Variants in ADAMTS6 observed in about 807,000 individuals in gnomAD.
The protein encoded by ADAMTS6 is ADAM metallopeptidase with thrombospondin type 1 motif 6.
In ADAMTS6, 23 loss-of-function variants were observed where a neutral mutation model predicts 144.3. That is an observed-to-expected ratio of 0.16 (90% CI 0.11 to 0.23). The LOEUF is 0.23. ADAMTS6 is among the 10% of genes least tolerant of loss of function. The pLI is 1.00. For synonymous variants in ADAMTS6, 444 were observed against 457.5 expected, an observed-to-expected ratio of 0.97 and a Z score of 0.38; for missense variants, 999 against 1,379.6, an observed-to-expected ratio of 0.72 and a Z score of 4.37.
At chr5:65,207,560 G>C (rs764299459) in intron 20 of ADAMTS6, among the ~76,000 whole-genome samples, 1 of 152,106 alleles carries the variant, frequency 6.6e-6, no homozygotes, top group Non-Finnish European at 1.5e-5. Context: ...GGAGGGGATG[G>C]GAGTGAAATG....
chr5:65,242,781 T>TCA (rs1759305842), intron 14 of ADAMTS6, among the ~76,000 whole-genome samples: 1 of 152,150 alleles, frequency 6.6e-6, no homozygotes, highest in Non-Finnish European at 1.5e-5. Context: ...GATTTGGACT[T>TCA]ATTATGATTT....
chr5:65,155,293 T>G (rs1691799040), intron 24 of ADAMTS6, among the ~76,000 whole-genome samples: 1 of 152,156 alleles, frequency 6.6e-6, no homozygotes, highest in African/African-American at 2.4e-5. Flanking sequence ...ATGGGGATAT[T>G]CTCTGAGAAA....
Position 65,151,221 on chromosome 5 carries a change from C to T in ADAMTS6, c.*615G>A, listed in dbSNP as rs1752125350. ...ATATGGCTCACAGCAGTGTTCAGAA[C>T]CAGGGGATTATTCCTAAGGAAATTA... On this transcript the variant is annotated 3_prime_UTR_variant, in exon 25 of 25. Transcript: ENST00000381055. 1 of 152,448 alleles carries T rather than the reference C, an allele frequency of 6.6e-6. No homozygotes were observed. 9.4% of individuals were successfully genotyped at this position (152,448 alleles called of 1,614,324 possible).
At chr5:65,223,272 G>A (rs1188480112) in intron 18 of ADAMTS6, among the ~76,000 whole-genome samples, 3 of 152,088 alleles carry the variant, frequency 2.0e-5, no homozygotes, top group Non-Finnish European at 4.4e-5. Context: ...CATAAACATT[G>A]TGAAATGAAT....
chr5:65,441,751 A>C (rs918212442), intron 7 of ADAMTS6, among the ~76,000 whole-genome samples: 3 of 152,020 alleles, frequency 2.0e-5, no homozygotes, highest in African/African-American at 7.2e-5. Context: ...GTGGAACTAA[A>C]TTAGAAATTA....
intron 7 of ADAMTS6, among the ~76,000 whole-genome samples, chr5:65,400,177 T>C (rs530733348): frequency 6.6e-6 from 1 of 152,236 alleles, no homozygotes; most frequent in South Asian, 2.1e-4. Flanking sequence ...TCTTTCAGAA[T>C]TTTTTCTTCT....
chr5:65,429,445 C>T (rs1031188746), intron 7 of ADAMTS6, among the ~76,000 whole-genome samples: 5 of 152,064 alleles, frequency 3.3e-5, no homozygotes, highest in South Asian at 4.2e-4. Flanking sequence ...TATGCATTGC[C>T]TGTCTGTATC....
At chr5:65,277,090 C>T (rs968462478) in intron 11 of ADAMTS6, among the ~76,000 whole-genome samples, 1 of 152,060 alleles carries the variant, frequency 6.6e-6, no homozygotes, top group Non-Finnish European at 1.5e-5. Context: ...AGAAGTTATC[C>T]ACAGTCCCCA....
At chr5:65,471,468 A>G (rs1474321697) in intron 2 of ADAMTS6, among the ~76,000 whole-genome samples, 1 of 152,172 alleles carries the variant, frequency 6.6e-6, no homozygotes, top group East Asian at 1.9e-4. Context: ...AGAAGCACAC[A>G]TATGTAAAAG....
chr5:65,453,642 A>C (rs1027888404), intron 4 of ADAMTS6, among the ~76,000 whole-genome samples: 2 of 152,308 alleles, frequency 1.3e-5, no homozygotes, highest in South Asian at 2.1e-4. Flanking sequence ...TTGGTTCTTC[A>C]GTATAGAAGC....
At chr5:65,249,737 TA>T (rs1759986632) in intron 14 of ADAMTS6, among the ~76,000 whole-genome samples, 1 of 152,212 alleles carries the variant, frequency 6.6e-6, no homozygotes, top group Non-Finnish European at 1.5e-5. Flanking sequence ...AGTATGTTTA[TA>T]AGAATAAAGT....
chr5:65,464,101 A>G (rs1374940581), intron 3 of ADAMTS6, among the ~76,000 whole-genome samples: 2 of 152,230 alleles, frequency 1.3e-5, no homozygotes. Context: ...TCTCTGCAAC[A>G]TCATTCCTGA....
At chr5:65,303,281 T>G (rs2112811696) in intron 9 of ADAMTS6, among the ~76,000 whole-genome samples, 1 of 152,264 alleles carries the variant, frequency 6.6e-6, no homozygotes, top group South Asian at 2.1e-4. Context: ...AATAAACTCC[T>G]TTTATCCCTG....
chr5:65,376,984 G>A lies in ADAMTS6; in HGVS notation c.1074-42899C>T, dbSNP rs572548772. On this transcript the variant is annotated intron_variant, in intron 7 of 24. Transcript: ENST00000381055. ...TTGATTTAACAGTCGAAAAAGGGGT[G>A]AGAGTATCCCCCCTACCTCATGGAA... 3.7e-4 allele frequency among the ~76,000 whole-genome samples: 56 copies of A among 152,152 alleles called. 2 individuals carry two copies. The highest frequency in any genetic ancestry group is 1.7e-3 in the South Asian group (8 of 4,810).
chr5:65,274,719 G>C (rs922770307), intron 11 of ADAMTS6, among the ~76,000 whole-genome samples: 4 of 152,076 alleles, frequency 2.6e-5, no homozygotes, highest in African/African-American at 9.7e-5. Context: ...GAGTCTCACT[G>C]TGTCACCTAG....
intron 7 of ADAMTS6, among the ~76,000 whole-genome samples, chr5:65,383,267 C>T (rs1303156312): frequency 2.0e-5 from 3 of 152,130 alleles, no homozygotes; most frequent in Non-Finnish European, 1.5e-5. Context: ...ACCCTAATAT[C>T]AACTCAAAAG....
intron 8 of ADAMTS6, among the ~76,000 whole-genome samples, chr5:65,330,457 G>A (rs1746602737): frequency 6.6e-6 from 1 of 152,090 alleles, no homozygotes; most frequent in South Asian, 2.1e-4. Context: ...TTTATGGTCA[G>A]TAGTCTACTA....
chr5:65,448,429 G>C (rs1429598003), intron 7 of ADAMTS6, among the ~76,000 whole-genome samples: 1 of 151,384 alleles, frequency 6.6e-6, no homozygotes, highest in Non-Finnish European at 1.5e-5. Context: ...ATTTGGCCTA[G>C]TGGAAATAAA....
chr5:65,189,452 A>G (rs1013079852), intron 21 of ADAMTS6, among the ~76,000 whole-genome samples: 9 of 152,198 alleles, frequency 5.9e-5, no homozygotes, highest in African/African-American at 1.9e-4. Flanking sequence ...AAGTGAAATT[A>G]GCTGATTTCA....
Sources: gnomAD v4.1 joint callset for allele counts (sites outside exome capture counted in the v4.1 genomes callset) on GRCh38, gnomAD v4.1.1 for gene constraint, MANE v1.5 for transcripts, NCBI Gene and HGNC (gene_info 2026-07-23, HGNC 2026-07-21) for gene names.